Variants in ZNF804A observed in about 807,000 individuals in gnomAD.
ZNF804A encodes the protein zinc finger protein 804A.
Under a neutral mutation model 16.5 loss-of-function variants are expected in ZNF804A, and 2 were observed. The ratio of observed to expected loss-of-function variants is 0.12; its 90% CI spans 0.05 to 0.38. ZNF804A has a LOEUF of 0.38. Among genes scored for constraint, ZNF804A ranks in the 10% least tolerant of loss-of-function variants. The probability of loss-of-function intolerance (pLI) is 0.99; values close to 1 mark genes in which losing one functional copy is unlikely to be tolerated. For missense variants in ZNF804A, 1,473 were observed against 1,390.7 expected (o/e 1.06, Z -0.94); for synonymous variants, 534 against 489.6 (o/e 1.09, Z -1.20).
At chr2:184,689,668 G>A (rs1335467661) in intron 1 of ZNF804A, among the ~76,000 whole-genome samples, 1 of 151,990 alleles carries the variant, frequency 6.6e-6, no homozygotes, top group Non-Finnish European at 1.5e-5. Flanking sequence ...TGTAATATAT[G>A]CTTAATGAGT....
chr2:184,622,704 T>C (rs1691438383), intron 1 of ZNF804A, among the ~76,000 whole-genome samples: 1 of 151,880 alleles, frequency 6.6e-6, no homozygotes, highest in Non-Finnish European at 1.5e-5. Context: ...TACAACAACA[T>C]TGAAAAAGAC....
intron 1 of ZNF804A, among the ~76,000 whole-genome samples, chr2:184,809,287 G>A (rs1382364028): frequency 6.6e-6 from 1 of 151,592 alleles, no homozygotes; most frequent in Non-Finnish European, 1.5e-5. Flanking sequence ...TTTTTATAAA[G>A]TATACACATA....
chr2:184,674,992 T>A lies in ZNF804A; in HGVS notation c.111+75922T>A, dbSNP rs371903442. On this transcript the variant is annotated intron_variant, in intron 1 of 3. Transcript: ENST00000302277. ...CACACCAGATAAAGTCATACATTAA[T>A]CTGTTAAATCTTATATATGCCTTAG... Among the ~76,000 whole-genome samples the A allele has an allele frequency of 1.3e-4, 20 of 151,950 alleles. No homozygotes were observed. The East Asian group carries it at 3.5e-3, about 26-fold the overall frequency.
chr2:184,885,376 C>T (rs77746961), intron 2 of ZNF804A, among the ~76,000 whole-genome samples: 9,809 of 152,144 alleles, frequency 0.064, 1,071 homozygotes, highest in African/African-American at 0.22. Context: ...CTACTATAAA[C>T]GACACACATG....
chr2:184,708,696 AT>A (rs1377170692), intron 1 of ZNF804A, among the ~76,000 whole-genome samples: 1 of 152,164 alleles, frequency 6.6e-6, no homozygotes, highest in African/African-American at 2.4e-5. Context: ...CTTAATAAAT[AT>A]TTAGTCTTAC....
chr2:184,861,188 A>G (rs1695795459), intron 1 of ZNF804A, among the ~76,000 whole-genome samples: 1 of 152,138 alleles, frequency 6.6e-6, no homozygotes, highest in Non-Finnish European at 1.5e-5. Context: ...GCAAAGTCCT[A>G]TGTTCACATT....
intron 1 of ZNF804A, among the ~76,000 whole-genome samples, chr2:184,795,208 T>G (rs541898646): frequency 6.6e-6 from 1 of 152,070 alleles, no homozygotes; most frequent in Non-Finnish European, 1.5e-5. Context: ...AATGTGAAAT[T>G]GTATCAAGCA....
intron 1 of ZNF804A, among the ~76,000 whole-genome samples, chr2:184,861,051 A>G (rs1416514184): frequency 6.6e-6 from 1 of 152,188 alleles, no homozygotes. Context: ...CTAGGGCTAT[A>G]GAATCTAACC....
chr2:184,621,649 A>G (rs1245078492), intron 1 of ZNF804A, among the ~76,000 whole-genome samples: 1 of 151,754 alleles, frequency 6.6e-6, no homozygotes, highest in African/African-American at 2.4e-5. Context: ...TGTTTAGTGC[A>G]GTGGTCTCCA....
At chr2:184,718,144 C>T (rs989482623) in intron 1 of ZNF804A, among the ~76,000 whole-genome samples, 7 of 152,144 alleles carry the variant, frequency 4.6e-5, no homozygotes, top group Non-Finnish European at 8.8e-5. Flanking sequence ...GCAAGTCTCA[C>T]ATGGCAGCAG....
intron 1 of ZNF804A, among the ~76,000 whole-genome samples, chr2:184,662,954 A>T (rs2105707456): frequency 6.6e-6 from 1 of 152,366 alleles, no homozygotes; most frequent in South Asian, 2.1e-4. Flanking sequence ...TAGAAAATTT[A>T]CCTAATATGC....
intron 2 of ZNF804A, among the ~76,000 whole-genome samples, chr2:184,897,803 A>T (rs563590119): frequency 6.6e-6 from 1 of 151,894 alleles, no homozygotes; most frequent in African/African-American, 2.4e-5. Context: ...CCATCATTAT[A>T]GTTTCTTTGT....
chr2:184,938,720 AGCT>A lies in ZNF804A; in HGVS notation c.3330_3332del (p.Ala1119del). On this transcript the variant is annotated inframe_deletion, in exon 4 of 4. Coordinates refer to ENST00000302277, the MANE Select transcript of ZNF804A (RefSeq NM_194250.2). ...ACACTGTTTTGCAGCAGCACGCTGC[AGCT>A]GCTGCAGCTGCAGCTGCAGCCGCAG... 1 of 1,608,244 alleles carries A rather than the reference AGCT, an allele frequency of 6.2e-7. No homozygotes were observed. The highest frequency in any genetic ancestry group is 1.3e-5 in the African/African-American group (1 of 74,746).
chr2:184,610,446 A>G (rs1438045669), intron 1 of ZNF804A, among the ~76,000 whole-genome samples: 1 of 152,164 alleles, frequency 6.6e-6, no homozygotes, highest in Non-Finnish European at 1.5e-5. Flanking sequence ...TCAATAAGTT[A>G]ATAGGAAGGA....
In ZNF804A at chr2:184,768,464, G is replaced by T. The variant is rs561842699; in HGVS notation, c.112-97905G>T. ...TTTTGGGTACATATAAAGGAAAGAT[G>T]AAATTTAATTTCAAAGAATGGTGGT... On this transcript the variant is annotated intron_variant, in intron 1 of 3. Coordinates refer to ENST00000302277, the MANE Select transcript of ZNF804A (RefSeq NM_194250.2). Among the ~76,000 whole-genome samples, 14 of 152,140 alleles carry T rather than the reference G, an allele frequency of 9.2e-5. No homozygotes were observed. In the South Asian group the frequency reaches 2.1e-3, roughly 23 times the overall value.
chr2:184,929,330 G>A (rs1371834638), intron 2 of ZNF804A, among the ~76,000 whole-genome samples: 1 of 152,020 alleles, frequency 6.6e-6, no homozygotes, highest in African/African-American at 2.4e-5. Flanking sequence ...GAAAGTCCTG[G>A]CATTTTGCAT....
At chr2:184,735,425 C>T (rs922959947) in intron 1 of ZNF804A, among the ~76,000 whole-genome samples, 1 of 151,974 alleles carries the variant, frequency 6.6e-6, no homozygotes, top group Non-Finnish European at 1.5e-5. Flanking sequence ...GGGAACATCA[C>T]ACACCGGGGC....
intron 1 of ZNF804A, among the ~76,000 whole-genome samples, chr2:184,787,606 G>T (rs1694468560): frequency 6.6e-6 from 1 of 151,842 alleles, no homozygotes; most frequent in South Asian, 2.1e-4. Flanking sequence ...GGTGATTAGT[G>T]ATGTTAAGCA....
chr2:184,848,436 T>C (rs7559451), intron 1 of ZNF804A, among the ~76,000 whole-genome samples: 9,428 of 152,078 alleles, frequency 0.062, 995 homozygotes, highest in African/African-American at 0.21. Flanking sequence ...GAATAAATTT[T>C]CTCTTTATAT....
Sources: gnomAD v4.1 joint callset for allele counts (sites outside exome capture counted in the v4.1 genomes callset) on GRCh38, gnomAD v4.1.1 for gene constraint, MANE v1.5 for transcripts, NCBI Gene and HGNC (gene_info 2026-07-23, HGNC 2026-07-21) for gene names.